BTG4: variants seen among roughly 807,000 people sequenced by gnomAD.
The protein encoded by BTG4 is protein BTG4.
A neutral mutation model predicts 19.3 loss-of-function variants in BTG4; 10 were observed. That is an observed-to-expected ratio of 0.52 (90% confidence interval 0.32 to 0.88). The LOEUF is 0.88. Among genes scored for constraint, BTG4 ranks in the 40% least tolerant of loss-of-function variants. The probability of loss-of-function intolerance (pLI) is 0.04; values close to 1 mark genes in which losing one functional copy is unlikely to be tolerated. For synonymous variants in BTG4, 91 were observed against 95.7 expected (o/e 0.95, Z 0.29); for missense variants, 238 against 281.9 (o/e 0.84, Z 1.11).
the BTG4 span, among the ~76,000 whole-genome samples, chr11:111,456,251 C>G: frequency 6.6e-6 from 1 of 152,120 alleles, no homozygotes; most frequent in Non-Finnish European, 1.5e-5. This position sits in a 1 kb window ranked among gnomAD's most constrained non-coding sequence, Gnocchi z 4.2. Context: ...AATCCCGTAG[C>G]CCCCCTGTAG....
At chr11:111,399,322 T>A in the BTG4 span, 1 of 152,180 alleles carries the variant, frequency 6.6e-6, no homozygotes, top group African/African-American at 2.4e-5. Flanking sequence ...GCCTCTGGCA[T>A]GAGAAAGCTC....
At chr11:111,481,096 A>G (rs1182418104) in intron 5 of BTG4, among the ~76,000 whole-genome samples, 1 of 151,816 alleles carries the variant, frequency 6.6e-6, no homozygotes, top group Non-Finnish European at 1.5e-5. Flanking sequence ...AATATCAAGA[A>G]TGAATGTAGG....
chr11:111,462,194 T>G, the BTG4 span: 1 of 152,246 alleles, frequency 6.6e-6, no homozygotes, highest in Non-Finnish European at 1.5e-5. Context: ...GCCCAAGATT[T>G]CAGTCACCCC....
At chr11:111,465,365 AG>A (rs1262419184), downstream of BTG4, among the ~76,000 whole-genome samples, 1 of 152,228 alleles carries the variant, frequency 6.6e-6, no homozygotes, top group Non-Finnish European at 1.5e-5. Context: ...CCACAAGCTA[AG>A]AAAGATTTTA....
intron 1 of BTG4, among the ~76,000 whole-genome samples, chr11:111,510,485 T>A (rs1220962741): frequency 1.3e-5 from 2 of 152,176 alleles, no homozygotes; most frequent in African/African-American, 4.8e-5. Flanking sequence ...TGTGTGGGCA[T>A]TTAAAACACC....
intron 4 of BTG4, chr11:111,496,911 T>A: frequency 2.8e-6 from 1 of 355,688 alleles, no homozygotes. Flanking sequence ...ATCCCACTAA[T>A]CTTAATCTTT....
the BTG4 span, among the ~76,000 whole-genome samples, chr11:111,439,943 G>C: frequency 6.6e-6 from 1 of 152,310 alleles, no homozygotes; most frequent in African/African-American, 2.4e-5. Context: ...TTGGTTATCT[G>C]TTTTTGTGTA....
chr11:111,476,030 C>T (rs1333061097), intron 5 of BTG4, among the ~76,000 whole-genome samples: 1 of 151,902 alleles, frequency 6.6e-6, no homozygotes, highest in Non-Finnish European at 1.5e-5. Context: ...CACTCGACCC[C>T]AAGGAAGGAT....
At chr11:111,494,395 A>C (rs1419063311), downstream of BTG4, among the ~76,000 whole-genome samples, 3 of 152,240 alleles carry the variant, frequency 2.0e-5, no homozygotes, top group Non-Finnish European at 4.4e-5. Context: ...TAGAAGAGTC[A>C]AACTATTTTT....
chr11:111,424,723 C>T, the BTG4 span, among the ~76,000 whole-genome samples: 2 of 152,098 alleles, frequency 1.3e-5, no homozygotes, highest in Admixed American at 6.5e-5. Flanking sequence ...TTTGAGAGCC[C>T]GAGGTGGGTA....
In BTG4 at chr11:111,495,061, T is replaced by G; in HGVS notation, c.*74A>C. On this transcript the variant is annotated 3_prime_UTR_variant, in exon 5 of 5. Transcript: ENST00000692032. ...TTTTGTTTCATGGGCCTCTCAACCT[T>G]AAATTCATTTTTATTTTAGAGAGAA... 1 of 1,409,646 alleles carries G rather than the reference T, an allele frequency of 7.1e-7. No homozygotes were observed. Among genetic ancestry groups the G allele is most frequent in the Non-Finnish European group, 9.2e-7 (1 of 1,083,740 alleles). 87.3% of individuals were successfully genotyped at this position (1,409,646 alleles called of 1,614,324 possible). A position where few individuals can be genotyped will look rare whatever the true frequency, so the allele number is the denominator to read the frequency against.
At chr11:111,388,433 C>G in the BTG4 span, among the ~76,000 whole-genome samples, 5 of 151,924 alleles carry the variant, frequency 3.3e-5, no homozygotes, top group Non-Finnish European at 7.4e-5. Context: ...TCATGATCTC[C>G]TTTTCTATCT....
At chr11:111,505,166 C>T (rs1047966492) in intron 1 of BTG4, among the ~76,000 whole-genome samples, 14 of 151,840 alleles carry the variant, frequency 9.2e-5, no homozygotes, top group Non-Finnish European at 4.4e-5. Context: ...CAAGGAACTC[C>T]CAAGCAAAAA....
At chr11:111,392,023 G>C in the BTG4 span, among the ~76,000 whole-genome samples, 1 of 152,072 alleles carries the variant, frequency 6.6e-6, no homozygotes, top group East Asian at 1.9e-4. Flanking sequence ...TTAATGAAAA[G>C]TGAATAAATC....
chr11:111,451,809 G>T, the BTG4 span, among the ~76,000 whole-genome samples: 2 of 152,166 alleles, frequency 1.3e-5, no homozygotes, highest in African/African-American at 4.8e-5. Context: ...AGACAGATCT[G>T]CAGGGAAGGA....
the BTG4 span, among the ~76,000 whole-genome samples, chr11:111,386,784 C>T: frequency 8.1e-4 from 123 of 152,260 alleles, 1 homozygote; most frequent in African/African-American, 2.8e-3. Flanking sequence ...AATACCGAAG[C>T]CCATTGTTGC....
chr11:111,492,532 G>C (rs983298160), downstream of BTG4, among the ~76,000 whole-genome samples: 3 of 152,154 alleles, frequency 2.0e-5, no homozygotes, highest in Non-Finnish European at 4.4e-5. Context: ...CCGTGTATCA[G>C]ATTATATATT....
the BTG4 span, among the ~76,000 whole-genome samples, chr11:111,444,633 T>C: frequency 6.6e-6 from 1 of 152,312 alleles, no homozygotes; most frequent in Admixed American, 6.5e-5. Flanking sequence ...TCAAAGGATA[T>C]GTTTTTTGAC....
At chr11:111,492,490 G>C (rs564300697), downstream of BTG4, among the ~76,000 whole-genome samples, 10 of 152,256 alleles carry the variant, frequency 6.6e-5, no homozygotes, top group South Asian at 2.1e-3. Context: ...ACTCTGCTGA[G>C]AGAATGATCA....
Sources: allele counts gnomAD v4.1 joint callset (sites outside exome capture counted in the v4.1 genomes callset), GRCh38; gene constraint gnomAD v4.1.1; non-coding constraint Gnocchi (gnomAD v3.1); transcripts MANE v1.5; gene names NCBI Gene and HGNC (gene_info 2026-07-23, HGNC 2026-07-21).